AVL9: variants seen among roughly 807,000 people sequenced by gnomAD.
AVL9 encodes the protein AVL9 cell migration associated.
AVL9 carries 49 observed loss-of-function variants against 79.2 expected under a neutral mutation model. The ratio of observed to expected loss-of-function variants is 0.62; its 90% CI spans 0.49 to 0.79. The LOEUF (loss-of-function observed/expected upper bound fraction) is 0.79. AVL9 is among the 30% of genes least tolerant of loss of function. AVL9 has a pLI of 0.00. For missense variants in AVL9, 682 were observed against 776.8 expected (o/e 0.88, Z 1.45); for synonymous variants, 299 against 280.6 (o/e 1.07, Z -0.65).
At chr7:32,537,129 A>C (rs1788948567) in intron 1 of AVL9, 1 of 152,160 alleles carries the variant, frequency 6.6e-6, no homozygotes, top group African/African-American at 2.4e-5. Context: ...CCCTTTAATC[A>C]AGGCTTGGTC....
At position 32,587,321 on chromosome 7, in the gene AVL9, T is replaced by C. The variant is rs1163509078; in HGVS notation, c.*3414T>C. ...TTAGAAAGGGATTAGAATTTTACTC[T>C]GCTAGTTACAAGTTTTAAAGTCACG... is the stretch of plus-strand genomic sequence containing the variant. On this transcript the variant is annotated 3_prime_UTR_variant, in exon 16 of 16. Transcript: ENST00000318709. The C allele has an allele frequency of 6.6e-6, 1 of 152,244 alleles. No homozygotes were observed. The highest frequency in any genetic ancestry group is 2.4e-5 in the African/African-American group (1 of 41,474). The allele number at this position is 152,244 out of a possible 1,614,324, so 9.4% of individuals were successfully genotyped here.
At chr7:32,572,237 T>G (rs1038535408) in intron 11 of AVL9, among the ~76,000 whole-genome samples, 5 of 151,306 alleles carry the variant, frequency 3.3e-5, no homozygotes, top group African/African-American at 7.4e-5. Flanking sequence ...GAAAACATGT[T>G]TCTTGGGTGA....
At chr7:32,516,141 A>T (rs1373126769) in intron 1 of AVL9, among the ~76,000 whole-genome samples, 1 of 152,154 alleles carries the variant, frequency 6.6e-6, no homozygotes, top group Non-Finnish European at 1.5e-5. Context: ...GCTTTCCTGT[A>T]TTACATTACC....
intron 1 of AVL9, 151 bp downstream of exon 1, chr7:32,495,953 G>A: frequency 2.2e-6 from 1 of 451,924 alleles, no homozygotes; most frequent in Non-Finnish European, 3.8e-6. Context: ...TCCTTTTGCA[G>A]CTCCTCCCAC....
At chr7:32,507,089 G>A (rs1033215692) in intron 1 of AVL9, among the ~76,000 whole-genome samples, 23 of 152,058 alleles carry the variant, frequency 1.5e-4, no homozygotes, top group African/African-American at 5.5e-4. Context: ...TAAATAATAG[G>A]GTAAAGCTAT....
At chr7:32,550,754 G>A (rs959750379) in intron 4 of AVL9, among the ~76,000 whole-genome samples, 1 of 152,002 alleles carries the variant, frequency 6.6e-6, no homozygotes, top group Admixed American at 6.6e-5. Context: ...TATGATAAAG[G>A]ACACAAACTA....
At chr7:32,580,982 G>T (rs1233195092) in intron 15 of AVL9, 92 bp downstream of exon 15, 1 of 1,019,606 alleles carries the variant, frequency 9.8e-7, no homozygotes, top group African/African-American at 1.6e-5. Flanking sequence ...ACATAAAGTT[G>T]TAAAGATCTG....
At chr7:32,555,723 C>T (rs1378914836) in intron 8 of AVL9, among the ~76,000 whole-genome samples, 2 of 152,150 alleles carry the variant, frequency 1.3e-5, no homozygotes, top group Non-Finnish European at 2.9e-5. Context: ...TAATCAGGAG[C>T]CATCCTTGGA....
intron 1 of AVL9, among the ~76,000 whole-genome samples, chr7:32,513,502 A>G (rs903476927): frequency 3.3e-5 from 5 of 152,234 alleles, no homozygotes; most frequent in Admixed American, 1.3e-4. Flanking sequence ...CCAATTGCCA[A>G]TCAGAATATG....
At position 32,548,151 on chromosome 7, in the gene AVL9, C is replaced by CTTTTGTTTTCTTTTTGTTTTTTTT. The variant is rs71559236; in HGVS notation, c.301-692_301-691insGTTTTCTTTTTGTTTTTTTTTTTT. ...TGTCTGTTTTTGTCATCTCTTTTTTCTTTTTTTTTTTTTTGAGACGGAGTC... is the reference window on the plus strand; with the variant it reads ...TGTCTGTTTTTGTCATCTCTTTTTTCTTTTGTTTTCTTTTTGTTTTTTTTTTTTTTTTTTTTTTGAGACGGAGTC... On this transcript the variant is annotated intron_variant, in intron 3 of 15. Coordinates refer to ENST00000318709, the MANE Select transcript of AVL9 (RefSeq NM_015060.3). Among the ~76,000 whole-genome samples, 15 of 131,592 alleles carry CTTTTGTTTTCTTTTTGTTTTTTTT rather than the reference C, an allele frequency of 1.1e-4. 1 individual carries two copies. Among genetic ancestry groups the CTTTTGTTTTCTTTTTGTTTTTTTT allele is most frequent in the Middle Eastern group, 4.0e-3 (1 of 248 alleles). 86.3% of individuals were successfully genotyped at this position (131,592 alleles called of 152,430 possible). A position where few individuals can be genotyped will look rare whatever the true frequency, so the allele number is the denominator to read the frequency against.
At chr7:32,554,367 T>G (rs1789967818) in intron 7 of AVL9, among the ~76,000 whole-genome samples, 191 bp from the exon 8 acceptor site, 1 of 152,162 alleles carries the variant, frequency 6.6e-6, no homozygotes, top group African/African-American at 2.4e-5. Context: ...CAGTTAGAGA[T>G]TTAAGTGATT....
Position 32,584,247 on chromosome 7 carries a change from G to GTGT in AVL9, c.*342_*344dup. 3.8e-6 allele frequency: 1 copy of GTGT among 261,252 alleles called. No homozygotes were observed. Among genetic ancestry groups the GTGT allele is most frequent in the East Asian group, 8.8e-5 (1 of 11,396 alleles). 16.2% of individuals were successfully genotyped at this position (261,252 alleles called of 1,614,324 possible). ...CTTATGTAAATTTTGTTCTGTTTTG[G>GTGT]TGTTTGAATATCTAGATGGTCACTG... On this transcript the variant is annotated 3_prime_UTR_variant, in exon 16 of 16. Transcript: ENST00000318709.
chr7:32,558,549 T>C lies in AVL9; in HGVS notation c.610-10T>C, dbSNP rs182457872. ...GTCTTCTAATTTGATTTTGATTGAC[T>C]CCATTCCAGGTTCTTTTTTATATTT... On this transcript the variant is annotated splice_polypyrimidine_tract_variant and intron_variant, in intron 8 of 15. Coordinates refer to ENST00000318709, the MANE Select transcript of AVL9 (RefSeq NM_015060.3). 8.7e-5 allele frequency: 139 copies of C among 1,600,510 alleles called. No homozygotes were observed. The Admixed American group carries it at 1.4e-3, about 16-fold the overall frequency.
chr7:32,558,829 A>C lies in AVL9; in HGVS notation c.680-100A>C, dbSNP rs1342142331. On this transcript the variant is annotated intron_variant, in intron 9 of 15. Transcript: ENST00000318709. ...GTTTTTAATTAAAATGTGTACAAGC[A>C]TAGCTTATTAAATTTTATAGGGGAG... 3 of 1,178,964 alleles carry C rather than the reference A, an allele frequency of 2.5e-6. No homozygotes were observed. The African/African-American group carries it at 4.7e-5, about 18-fold the overall frequency. 73.0% of individuals were successfully genotyped at this position (1,178,964 alleles called of 1,614,324 possible). A position where few individuals can be genotyped will look rare whatever the true frequency, so the allele number is the denominator to read the frequency against.
chr7:32,551,232 AAT>A, intron 4 of AVL9, 100 bp from the exon 5 acceptor site: 1 of 754,074 alleles, frequency 1.3e-6, no homozygotes, highest in Non-Finnish European at 2.2e-6. Flanking sequence ...TTTTTCTCCA[AAT>A]TAAAAAGTTG....
In AVL9 at chr7:32,585,533, A is replaced by ATTG. The variant is rs1467111586; in HGVS notation, c.*1628_*1630dup. On this transcript the variant is annotated 3_prime_UTR_variant, in exon 16 of 16. Transcript: ENST00000318709. Reference sequence around the variant, plus strand: ...GTAACAAGGGATACTTGGGAAATACATTGTGAGTATGATCTATCCCAGATT... The same window carrying ATTG: ...GTAACAAGGGATACTTGGGAAATACATTGTTGTGAGTATGATCTATCCCAGATT... 6.6e-6 allele frequency: 1 copy of ATTG among 152,216 alleles called. No homozygotes were observed. The highest frequency in any genetic ancestry group is 1.9e-4 in the East Asian group (1 of 5,190). 9.4% of individuals were successfully genotyped at this position (152,216 alleles called of 1,614,324 possible).
intron 1 of AVL9, among the ~76,000 whole-genome samples, chr7:32,496,094 A>G (rs1240250507): frequency 1.3e-5 from 2 of 152,182 alleles, no homozygotes; most frequent in Non-Finnish European, 2.9e-5. Flanking sequence ...GTGGGAGGAA[A>G]GCATCGAAGA....
At chr7:32,573,826 GAGAA>G (rs1261307133) in intron 12 of AVL9, among the ~76,000 whole-genome samples, 3 of 152,156 alleles carry the variant, frequency 2.0e-5, no homozygotes, top group Non-Finnish European at 4.4e-5. Flanking sequence ...TGTATAAAGG[GAGAA>G]AGAATATAAA....
intron 1 of AVL9, among the ~76,000 whole-genome samples, chr7:32,541,516 C>T (rs1789207047): frequency 6.6e-6 from 1 of 151,694 alleles, no homozygotes; most frequent in African/African-American, 2.4e-5. Flanking sequence ...GAATTGGTAA[C>T]TTTTTTAACT....
Sources: allele counts gnomAD v4.1 joint callset (sites outside exome capture counted in the v4.1 genomes callset), GRCh38; gene constraint gnomAD v4.1.1; transcripts MANE v1.5; gene names NCBI Gene and HGNC (gene_info 2026-07-23, HGNC 2026-07-21).